Variants in NDRG2 observed in about 807,000 individuals in gnomAD.
NDRG2 encodes the protein NDRG family member 2, also known as protein NDRG2.
NDRG2 carries 34 observed loss-of-function variants against 58.2 expected under a neutral mutation model. That is an observed-to-expected ratio of 0.58 (90% CI 0.44 to 0.78). NDRG2 has a LOEUF of 0.78. Ranked by LOEUF, NDRG2 falls within the 30% of genes least tolerant of loss-of-function variation. The probability of loss-of-function intolerance (pLI) is 0.00; values close to 1 mark genes in which losing one functional copy is unlikely to be tolerated. For synonymous variants in NDRG2, 187 were observed against 175.9 expected, an observed-to-expected ratio of 1.06 and a Z score of -0.50; for missense variants, 434 against 471.2, an observed-to-expected ratio of 0.92 and a Z score of 0.73.
rs535085620 is a variant in NDRG2, at chr14:21,054,119, C to G, written c.24+16709G>C. ...GCTCTGAAATGAAACAAAGCTGCAGCACGGCCTGACACAGTGTACAGAGTG... is the reference window on the plus strand; with the variant it reads ...GCTCTGAAATGAAACAAAGCTGCAGGACGGCCTGACACAGTGTACAGAGTG... On this transcript the variant is annotated intron_variant, in intron 1 of 14. Transcript: ENST00000403829. 4.6e-5 allele frequency among the ~76,000 whole-genome samples: 7 copies of G among 152,242 alleles called. No homozygotes were observed. The South Asian group carries it at 6.2e-4, about 14-fold the overall frequency.
chr14:21,025,270 T>A (rs906738956), upstream of NDRG2: 2 of 896,802 alleles, frequency 2.2e-6, no homozygotes, highest in Non-Finnish European at 2.7e-6. The surrounding 1 kb of genome is among the most constrained non-coding windows in gnomAD (Gnocchi z 5.1). Flanking sequence ...GCTTCCAGGC[T>A]CTGCTCGGCT....
chr14:21,024,730 G>A lies in NDRG2; in HGVS notation c.-707C>T, dbSNP rs762844868. The A allele has an allele frequency of 1.0e-6, 1 of 985,352 alleles. No homozygotes were observed. Among genetic ancestry groups the A allele is most frequent in the Non-Finnish European group, 1.2e-6 (1 of 829,946 alleles). The allele number at this position is 985,352 out of a possible 1,614,324, so 61.0% of individuals were successfully genotyped here. A position where few individuals can be genotyped will look rare whatever the true frequency, so the allele number is the denominator to read the frequency against. Reference sequence around the variant, plus strand: ...ATGGGTAGGACAGAGGAGACCGGCCGGGCCCAGCACCCGGAACCCGTCCCT... The same window carrying A: ...ATGGGTAGGACAGAGGAGACCGGCCAGGCCCAGCACCCGGAACCCGTCCCT... On this transcript the variant is annotated 5_prime_UTR_variant, in exon 1 of 16. Transcript: ENST00000556147.
chr14:21,052,662 G>C (rs778645687), intron 1 of NDRG2, among the ~76,000 whole-genome samples: 2 of 152,226 alleles, frequency 1.3e-5, no homozygotes, highest in African/African-American at 2.4e-5. Flanking sequence ...AAGGTGAGTA[G>C]GAGAAGGCTT....
intron 1 of NDRG2, 89 bp downstream of exon 1, chr14:21,023,941 G>A (rs1195547882): frequency 3.5e-5 from 34 of 984,196 alleles, no homozygotes; most frequent in South Asian, 2.8e-4. Context: ...AATAAACTCC[G>A]CAAGTTCAAC....
At chr14:21,066,858 T>G (rs1028528778) in intron 1 of NDRG2, among the ~76,000 whole-genome samples, 3 of 152,214 alleles carry the variant, frequency 2.0e-5, no homozygotes, top group African/African-American at 7.2e-5. Context: ...AATTAAACCA[T>G]AAATAGAACT....
At chr14:21,036,308 G>T (rs73585971) in intron 1 of NDRG2, 1 of 455,472 alleles carries the variant, frequency 2.2e-6, no homozygotes, top group Admixed American at 2.4e-5. Context: ...TCGTCTAAAA[G>T]TCTGCAATAG....
chr14:21,057,160 C>T (rs566868289), intron 1 of NDRG2, among the ~76,000 whole-genome samples: 171 of 152,234 alleles, frequency 1.1e-3, no homozygotes, highest in African/African-American at 3.9e-3. Context: ...CTTAACCGGG[C>T]GCGGTGGCTC....
At chr14:21,056,796 C>T (rs2139146851) in intron 1 of NDRG2, among the ~76,000 whole-genome samples, 1 of 152,350 alleles carries the variant, frequency 6.6e-6, no homozygotes, top group East Asian at 1.9e-4. Context: ...GGAAAGAGTA[C>T]TTGCCCTTGC....
chr14:21,019,233 A>G (rs1361514150), intron 10 of NDRG2, 73 bp from the exon 11 acceptor site: 1 of 1,326,932 alleles, frequency 7.5e-7, no homozygotes, highest in East Asian at 2.3e-5. Context: ...TATCTCTCCC[A>G]TGATGGAACT....
At chr14:21,032,297 C>A in intron 1 of NDRG2, 1 of 642,232 alleles carries the variant, frequency 1.6e-6, no homozygotes, top group South Asian at 1.5e-5. Context: ...TACCAGCCAT[C>A]AGTTAGCATT....
chr14:21,031,166 G>A lies in NDRG2; in HGVS notation c.25-7845C>T, dbSNP rs761272300. 2.5e-6 allele frequency: 4 copies of A among 1,613,118 alleles called. No homozygotes were observed. The African/African-American group carries it at 4.0e-5, about 16-fold the overall frequency. On this transcript the variant is annotated intron_variant, in intron 1 of 14. Transcript: ENST00000403829. Reference sequence around the variant, plus strand: ...AGACCCAGCCACCACTGGCGCTACTGTGAGTGACAGCCTTCATCCCCTTGA... The same window carrying A: ...AGACCCAGCCACCACTGGCGCTACTATGAGTGACAGCCTTCATCCCCTTGA...
At chr14:21,033,734 A>C (rs756849240) in intron 1 of NDRG2, 4 of 978,824 alleles carry the variant, frequency 4.1e-6, no homozygotes, top group Non-Finnish European at 6.6e-6. Context: ...GTAAGTCAGG[A>C]AGGAAGTCTT....
chr14:21,055,892 TTG>T (rs1285618264), intron 1 of NDRG2, among the ~76,000 whole-genome samples: 1 of 152,142 alleles, frequency 6.6e-6, no homozygotes, highest in Non-Finnish European at 1.5e-5. Context: ...AGGGAAAGAT[TTG>T]TTCCCTGCTG....
At chr14:21,057,563 G>T (rs185398828) in intron 1 of NDRG2, among the ~76,000 whole-genome samples, 4 of 145,486 alleles carry the variant, frequency 2.7e-5, no homozygotes, top group Non-Finnish European at 4.5e-5. Flanking sequence ...TATTTGACAC[G>T]CTCTAGCTGT....
chr14:21,025,574 T>C, upstream of NDRG2: 3 of 983,432 alleles, frequency 3.1e-6, no homozygotes, highest in Non-Finnish European at 3.6e-6. This position sits in a 1 kb window ranked among gnomAD's most constrained non-coding sequence, Gnocchi z 5.1. Flanking sequence ...GAGGCGGGGG[T>C]CTCGCCGGCT....
At chr14:21,028,468 C>T (rs1883847377), upstream of NDRG2, 1 of 152,066 alleles carries the variant, frequency 6.6e-6, no homozygotes, top group South Asian at 2.1e-4. Flanking sequence ...ACTTTGTTGG[C>T]CTCCCAAAGT....
chr14:21,031,471 C>A (rs1351535295), intron 1 of NDRG2, among the ~76,000 whole-genome samples: 1 of 152,202 alleles, frequency 6.6e-6, no homozygotes, highest in Non-Finnish European at 1.5e-5. Context: ...CTGATGCCCA[C>A]TCCTCTTCCA....
chr14:21,020,641 C>A, intron 7 of NDRG2, 59 bp from the exon 8 acceptor site: 2 of 1,593,714 alleles, frequency 1.3e-6, no homozygotes, highest in Non-Finnish European at 1.7e-6. Flanking sequence ...CCCCTCCCCG[C>A]TAAGCTCGAC....
At chr14:21,057,331 G>T (rs577010973) in intron 1 of NDRG2, among the ~76,000 whole-genome samples, 8 of 152,080 alleles carry the variant, frequency 5.3e-5, no homozygotes, top group African/African-American at 1.9e-4. Context: ...AGCTACTTGG[G>T]AGGCTGAGGC....
Sources: allele counts gnomAD v4.1 joint callset (sites outside exome capture counted in the v4.1 genomes callset), GRCh38; gene constraint gnomAD v4.1.1; non-coding constraint Gnocchi (gnomAD v3.1); transcripts MANE v1.5; gene names NCBI Gene and HGNC (gene_info 2026-07-23, HGNC 2026-07-21).